AGPAT5: variants seen among roughly 807,000 people sequenced by gnomAD.
AGPAT5 encodes 1-acyl-sn-glycerol-3-phosphate acyltransferase epsilon.
In AGPAT5, 46 loss-of-function variants were observed where a neutral mutation model predicts 45.6. The observed-to-expected ratio is 1.01, with a 90% confidence interval of 0.80 to 1.29. The LOEUF is 1.29. AGPAT5 is among the 50% of genes most tolerant of loss of function. AGPAT5 has a pLI of 0.00. For missense variants in AGPAT5, 673 were observed against 450.7 expected, an observed-to-expected ratio of 1.49 and a Z score of -4.47; for synonymous variants, 272 against 167.0, an observed-to-expected ratio of 1.63 and a Z score of -4.85.
rs931407608 is a variant in AGPAT5 at position 6,760,772 on chromosome 8, T to C, written c.*3384T>C. 5.9e-5 allele frequency among the ~76,000 whole-genome samples: 9 copies of C among 152,108 alleles called. No individual in the cohort carries two copies. The highest frequency in any genetic ancestry group is 2.2e-4 in the African/African-American group (9 of 41,350). On this transcript the variant is annotated 3_prime_UTR_variant, in exon 8 of 8. Coordinates refer to ENST00000285518, the MANE Select transcript of AGPAT5 (RefSeq NM_018361.5). ...AAGAACTTGAAATTACGTTATCACT[T>C]AGTATAATTGACATTATATAGAGAC...
At chr8:6,717,593 A>T (rs373460192) in intron 1 of AGPAT5, among the ~76,000 whole-genome samples, 102 of 152,364 alleles carry the variant, frequency 6.7e-4, no homozygotes, top group African/African-American at 2.4e-3. Context: ...TGAACAAAGA[A>T]CTGAGGAAAT....
intron 4 of AGPAT5, among the ~76,000 whole-genome samples, chr8:6,734,047 A>G (rs1481901023): frequency 1.3e-5 from 2 of 152,188 alleles, no homozygotes; most frequent in African/African-American, 4.8e-5. Flanking sequence ...TTTAAGTATC[A>G]TATATCTGAG....
At chr8:6,754,848 A>G (rs1322528805) in intron 6 of AGPAT5, among the ~76,000 whole-genome samples, 1 of 152,112 alleles carries the variant, frequency 6.6e-6, no homozygotes, top group Non-Finnish European at 1.5e-5. Flanking sequence ...AAATTATAAC[A>G]TGCTCTTCTA....
intron 1 of AGPAT5, 38 bp from the exon 2 acceptor site, chr8:6,724,832 A>G (rs769610789): frequency 3.0e-6 from 2 of 671,462 alleles, no homozygotes; most frequent in South Asian, 8.9e-5. Flanking sequence ...CAGATGTTTT[A>G]AAATATCAAA....
intron 1 of AGPAT5, among the ~76,000 whole-genome samples, chr8:6,718,289 G>C (rs1241128087): frequency 1.3e-5 from 2 of 152,170 alleles, no homozygotes; most frequent in Admixed American, 1.3e-4. Context: ...TGGTTGCTGT[G>C]GGTGGTAGAG....
At chr8:6,738,577 C>T (rs1801133883) in intron 4 of AGPAT5, 1 of 152,070 alleles carries the variant, frequency 6.6e-6, no homozygotes, top group African/African-American at 2.4e-5. Flanking sequence ...GGAAAAATGG[C>T]ACCAATAGAC....
rs1008151239 is a variant in AGPAT5, at chr8:6,722,478, T to A, written c.220-2392T>A. 3.3e-5 allele frequency among the ~76,000 whole-genome samples: 5 copies of A among 152,364 alleles called. 1 individual carries two copies. In the Middle Eastern group the frequency reaches 0.01, roughly 311 times the overall value. Reference sequence around the variant, plus strand: ...ATTGAGATAAATGAAGAATATATATTTTTTAACAAAGAATGCTGTATATTT... The same window carrying A: ...ATTGAGATAAATGAAGAATATATATATTTTAACAAAGAATGCTGTATATTT... On this transcript the variant is annotated intron_variant, in intron 1 of 7. Transcript: ENST00000285518.
At chr8:6,724,572 A>G (rs1189817450) in intron 1 of AGPAT5, among the ~76,000 whole-genome samples, 1 of 152,216 alleles carries the variant, frequency 6.6e-6, no homozygotes, top group African/African-American at 2.4e-5. Flanking sequence ...GAAGGAAGAT[A>G]TATCTTATGA....
chr8:6,710,832 G>A (rs1218061082), intron 1 of AGPAT5, among the ~76,000 whole-genome samples: 1 of 152,140 alleles, frequency 6.6e-6, no homozygotes, highest in Non-Finnish European at 1.5e-5. Context: ...TTTTTTACCT[G>A]TGACTTTGTA....
At chr8:6,751,302 T>C (rs1801647838) in intron 6 of AGPAT5, among the ~76,000 whole-genome samples, 2 of 152,228 alleles carry the variant, frequency 1.3e-5, no homozygotes, top group African/African-American at 4.8e-5. Flanking sequence ...TAAGAAATAA[T>C]TTTTTTCTGA....
chr8:6,744,598 G>C (rs371327160), intron 5 of AGPAT5, among the ~76,000 whole-genome samples: 1 of 152,084 alleles, frequency 6.6e-6, no homozygotes, highest in East Asian at 1.9e-4. Flanking sequence ...TGCTTGGTTC[G>C]AGGTCCTGTG....
intron 1 of AGPAT5, among the ~76,000 whole-genome samples, chr8:6,713,552 G>A (rs1360475530): frequency 6.6e-6 from 1 of 152,098 alleles, no homozygotes; most frequent in African/African-American, 2.4e-5. Flanking sequence ...ACTTCTCCAA[G>A]GATTCATACT....
Position 6,755,269 on chromosome 8 carries a change from C to G in AGPAT5, c.869+95C>G, listed in dbSNP as rs921592226. 2.4e-6 allele frequency: 3 copies of G among 1,257,884 alleles called. No homozygotes were observed. The Admixed American group carries it at 8.5e-5, about 36-fold the overall frequency. 77.9% of individuals were successfully genotyped at this position (1,257,884 alleles called of 1,614,324 possible). A position where few individuals can be genotyped will look rare whatever the true frequency, so the allele number is the denominator to read the frequency against. ...AAACCAATGTAAATGGTTATATTGT[C>G]TCAAGAATACATTTTATAAATTCAA... On this transcript the variant is annotated intron_variant, in intron 7 of 7. Coordinates refer to ENST00000285518, the MANE Select transcript of AGPAT5 (RefSeq NM_018361.5).
Position 6,732,545 on chromosome 8 carries a change from G to A in AGPAT5, c.406-16G>A, listed in dbSNP as rs767077316. The A allele has an allele frequency of 1.4e-5, 22 of 1,577,898 alleles. No individual in the cohort carries two copies. In the East Asian group the frequency reaches 2.5e-4, roughly 18 times the overall value. ...TTTAAAAGTAAATGCTCTTTCTCCC[G>A]ATTTGATTGTGGCAGCATGGAGGAA... On this transcript the variant is annotated splice_polypyrimidine_tract_variant and intron_variant, in intron 3 of 7. Coordinates refer to ENST00000285518, the MANE Select transcript of AGPAT5 (RefSeq NM_018361.5).
intron 2 of AGPAT5, among the ~76,000 whole-genome samples, chr8:6,729,288 C>G (rs1587021586): frequency 6.6e-6 from 1 of 150,998 alleles, no homozygotes; most frequent in East Asian, 1.9e-4. Context: ...AAACTGTCCT[C>G]TTTGGCTAAA....
At chr8:6,711,266 C>G (rs1306943819) in intron 1 of AGPAT5, among the ~76,000 whole-genome samples, 1 of 152,194 alleles carries the variant, frequency 6.6e-6, no homozygotes, top group African/African-American at 2.4e-5. Flanking sequence ...CTGCTTCCAA[C>G]AAATTTAGTT....
intron 1 of AGPAT5, among the ~76,000 whole-genome samples, chr8:6,719,880 A>G (rs1428179387): frequency 6.6e-6 from 1 of 152,210 alleles, no homozygotes; most frequent in Non-Finnish European, 1.5e-5. Flanking sequence ...AAAGGGGGAT[A>G]TGATCAGAAG....
intron 7 of AGPAT5, among the ~76,000 whole-genome samples, chr8:6,755,514 T>TTA (rs1176560048): frequency 2.0e-5 from 3 of 152,194 alleles, no homozygotes; most frequent in Non-Finnish European, 4.4e-5. Context: ...TAAAGTGGTG[T>TTA]TACTGTGTGA....
At chr8:6,732,493 T>G (rs1223115431) in intron 3 of AGPAT5, 68 bp from the exon 4 acceptor site, 2 of 1,344,670 alleles carry the variant, frequency 1.5e-6, no homozygotes, top group Non-Finnish European at 2.0e-6. Context: ...AGAAGTTGCC[T>G]TTTTGATGAC....
Sources: gnomAD v4.1 joint callset for allele counts (sites outside exome capture counted in the v4.1 genomes callset) on GRCh38, gnomAD v4.1.1 for gene constraint, MANE v1.5 for transcripts, NCBI Gene and HGNC (gene_info 2026-07-23, HGNC 2026-07-21) for gene names.